IFI44: variants seen among roughly 807,000 people sequenced by gnomAD.
The protein encoded by IFI44 is interferon-induced protein 44.
In IFI44, 42 loss-of-function variants were observed where a neutral mutation model predicts 45.0. The ratio of observed to expected loss-of-function variants is 0.93; its 90% confidence interval spans 0.73 to 1.21. The LOEUF (loss-of-function observed/expected upper bound fraction) is 1.21. Ranked by LOEUF, IFI44 falls within the 50% of genes most tolerant of loss-of-function variation. The probability of loss-of-function intolerance (pLI) is 0.00; values close to 1 mark genes in which losing one functional copy is unlikely to be tolerated. For synonymous variants in IFI44, 221 were observed against 188.6 expected, an observed-to-expected ratio of 1.17 and a Z score of -1.41; for missense variants, 623 against 525.8, an observed-to-expected ratio of 1.18 and a Z score of -1.81.
chr1:78,661,094 T>A (rs1335584540), intron 7 of IFI44, among the ~76,000 whole-genome samples: 5 of 152,118 alleles, frequency 3.3e-5, no homozygotes, highest in African/African-American at 7.2e-5. Context: ...TGAGATGAAG[T>A]TTCTGTTGCC....
Position 78,649,833 on chromosome 1 carries a change from T to A in IFI44, c.-83T>A, listed in dbSNP as rs1004644452. ...GCTGCTGAATAATTTCCTTCTCCCA[T>A]TTTGTGCCTGCCTAGCTATCCAGAC... On this transcript the variant is annotated 5_prime_UTR_variant, in exon 1 of 9. Coordinates refer to ENST00000370747, the MANE Select transcript of IFI44 (RefSeq NM_006417.5). 1 of 158,472 alleles carries A rather than the reference T, an allele frequency of 6.3e-6. No individual in the cohort carries two copies. Among genetic ancestry groups the A allele is most frequent in the East Asian group, 1.8e-4 (1 of 5,592 alleles). 9.8% of individuals were successfully genotyped at this position (158,472 alleles called of 1,614,324 possible).
chr1:78,651,604 T>G (rs989919011), intron 2 of IFI44, among the ~76,000 whole-genome samples: 1 of 152,184 alleles, frequency 6.6e-6, no homozygotes, highest in Non-Finnish European at 1.5e-5. Context: ...CATATGGTAT[T>G]GTTGCTGTAG....
rs1397523796 is a variant in IFI44, at chr1:78,654,584, G to C, written c.494+305G>C. Among the ~76,000 whole-genome samples, 4 of 152,016 alleles carry C rather than the reference G, an allele frequency of 2.6e-5. No individual in the cohort carries two copies. In the East Asian group the frequency reaches 7.8e-4, roughly 29 times the overall value. On this transcript the variant is annotated intron_variant, in intron 3 of 8. Transcript: ENST00000370747. ...ACTACTCTAGAGAGTTGCTGTAGAAGAAGTGGTTGGTGGGTGGAGAAAACC... is the reference window on the plus strand; with the variant it reads ...ACTACTCTAGAGAGTTGCTGTAGAACAAGTGGTTGGTGGGTGGAGAAAACC...
In IFI44 at chr1:78,659,362, C is replaced by T; in HGVS notation, c.891C>T (p.Ser297=). The T allele has an allele frequency of 6.2e-7, 1 of 1,613,344 alleles. No individual in the cohort carries two copies. The highest frequency in any genetic ancestry group is 1.3e-5 in the African/African-American group (1 of 75,000). Residue 297 remains serine (S), a synonymous_variant, in exon 6 of 9, where the codon TCC becomes TCT. Coordinates refer to ENST00000370747, the MANE Select transcript of IFI44 (RefSeq NM_006417.5). The part of the protein sequence containing the change: ...IKLNHHDYID[S]PSLKDRIHCV... ...TAAATCATCATGACTACATTGATTC[C>T]CCATCGCTGAAGGACAGAATTCATT...
Position 78,662,781 on chromosome 1 carries a change from G to C in IFI44, c.1191G>C (p.Glu397Asp). The C allele has an allele frequency of 6.2e-7, 1 of 1,613,744 alleles. No homozygotes were observed. The highest frequency in any genetic ancestry group is 1.3e-5 in the African/African-American group (1 of 74,958). ...TTAGCAATTATTCCTCTGAGTGGGAGCTGGACCCTGTAAAGGATGTTCTAA... is the reference window on the plus strand; with the variant it reads ...TTAGCAATTATTCCTCTGAGTGGGACCTGGACCCTGTAAAGGATGTTCTAA... ...SVVSNYSSEW[E>D]LDPVKDVLIL... Residue 397 changes from glutamate (E) to aspartate (D), a missense_variant, in exon 8 of 9, where the codon GAG (glutamate) becomes GAC (aspartate). By Grantham distance (45) the Glu-to-Asp change is conservative. Coordinates refer to ENST00000370747, the MANE Select transcript of IFI44 (RefSeq NM_006417.5).
At chr1:78,653,443 C>G (rs1042205430) in intron 2 of IFI44, among the ~76,000 whole-genome samples, 4 of 152,090 alleles carry the variant, frequency 2.6e-5, no homozygotes, top group Non-Finnish European at 5.9e-5. Flanking sequence ...TTCATAATTT[C>G]TACTATTGGT....
In IFI44 at chr1:78,655,453, G is replaced by T. The variant is rs766913506; in HGVS notation, c.782G>T (p.Gly261Val). The change falls in exon 5 of 9, where the codon GGC (glycine) becomes GTC (valine). Residue 261 changes from glycine to valine, a missense_variant. Transcript: ENST00000370747. ...DSLGLSEKEG[G>V]LCRDDIFYIL... ...CTGGGGCTGAGTGAGAAAGAAGGCG[G>T]CCTGTGCAGGGATGACATATTCTAT... 1.2e-6 allele frequency: 2 copies of T among 1,613,888 alleles called. No individual in the cohort carries two copies. Among genetic ancestry groups the T allele is most frequent in the Admixed American group, 1.7e-5 (1 of 60,000 alleles).
In IFI44 at chr1:78,659,459, A is replaced by T; in HGVS notation, c.988A>T (p.Ile330Phe). 1 of 1,612,840 alleles carries T rather than the reference A, an allele frequency of 6.2e-7. No homozygotes were observed. Among genetic ancestry groups the T allele is most frequent in the Non-Finnish European group, 8.5e-7 (1 of 1,179,160 alleles). Residue 330 changes from isoleucine to phenylalanine, a missense_variant, in exon 6 of 9, where the codon ATT becomes TTT. Physicochemically the swap from Ile to Phe is conservative, Grantham distance 21. Coordinates refer to ENST00000370747, the MANE Select transcript of IFI44 (RefSeq NM_006417.5). ...SSQMIVKIKR[I>F]RRELVNAGVV... ...TCAGATGATAGTAAAGATCAAAAGA[A>T]TTCGAAGGGAGTTGGTAAACGCTGG...
intron 2 of IFI44, among the ~76,000 whole-genome samples, 178 bp downstream of exon 2, chr1:78,650,830 T>C (rs1457491352): frequency 6.6e-6 from 1 of 152,228 alleles, no homozygotes; most frequent in Non-Finnish European, 1.5e-5. Flanking sequence ...AAAATGTATA[T>C]TTATGATAAG....
chr1:78,662,682 C>T, intron 7 of IFI44, 22 bp from the exon 8 acceptor site: 2 of 1,563,822 alleles, frequency 1.3e-6, no homozygotes, highest in Non-Finnish European at 1.8e-6. Flanking sequence ...TTTGCAATGT[C>T]TTTTTAATTT....
intron 8 of IFI44, chr1:78,663,382 T>A: frequency 1.0e-6 from 1 of 985,420 alleles, no homozygotes. Context: ...GTATGTCCTT[T>A]TATGTAATGG....
intron 2 of IFI44, among the ~76,000 whole-genome samples, chr1:78,651,033 A>G (rs893962416): frequency 2.0e-5 from 3 of 152,186 alleles, no homozygotes; most frequent in African/African-American, 7.2e-5. Context: ...TTAAAATTAC[A>G]GTTTCCAAGA....
Position 78,663,793 on chromosome 1 carries a change from T to C in IFI44, c.1317T>C (p.Cys439=). 3 of 1,612,282 alleles carry C rather than the reference T, an allele frequency of 1.9e-6. No homozygotes were observed. Among genetic ancestry groups the C allele is most frequent in the Non-Finnish European group, 2.5e-6 (3 of 1,179,388 alleles). Residue 439 remains cysteine, a synonymous_variant, in exon 9 of 9, where the codon TGT becomes TGC. Coordinates refer to ENST00000370747, the MANE Select transcript of IFI44 (RefSeq NM_006417.5). ...IGNLREEIIN[C]AQGKK ...ATCTAAGGGAGGAAATTATCAACTGTGCACAAGGAAAAAAATAGATATGTG... is the reference window on the plus strand; with the variant it reads ...ATCTAAGGGAGGAAATTATCAACTGCGCACAAGGAAAAAAATAGATATGTG...
intron 4 of IFI44, 31 bp from the exon 5 acceptor site, chr1:78,655,331 A>G: frequency 6.4e-7 from 1 of 1,570,194 alleles, no homozygotes; most frequent in Non-Finnish European, 8.6e-7. Context: ...TAAAAAATGA[A>G]TCTTTAAAAT....
intron 7 of IFI44, 155 bp from the exon 8 acceptor site, chr1:78,662,549 T>C: frequency 3.3e-6 from 2 of 605,490 alleles, no homozygotes; most frequent in South Asian, 2.1e-5. Flanking sequence ...ATATGTGAAG[T>C]TCTTCAAGAG....
chr1:78,650,213 T>C lies in IFI44; in HGVS notation c.18T>C (p.Arg6=). The change falls in exon 2 of 9, where the codon CGT becomes CGC. Residue 6 remains arginine (R), a synonymous_variant. Coordinates refer to ENST00000370747, the MANE Select transcript of IFI44 (RefSeq NM_006417.5). MAVTT[R]LTWLHEKILQ... ...CAAGAAGTATGGCAGTGACAACTCGTTTGACATGGTTGCACGAAAAGATCC... is the reference window on the plus strand; with the variant it reads ...CAAGAAGTATGGCAGTGACAACTCGCTTGACATGGTTGCACGAAAAGATCC... The C allele has an allele frequency of 1.9e-6, 3 of 1,603,276 alleles. No individual in the cohort carries two copies. Among genetic ancestry groups the C allele is most frequent in the Non-Finnish European group, 2.6e-6 (3 of 1,171,132 alleles).
At position 78,662,786 on chromosome 1, in the gene IFI44, A is replaced by AC. The variant is rs1399096925; in HGVS notation, c.1199dup (p.Val401CysfsTer19). On this transcript the variant is annotated frameshift_variant, in exon 8 of 9. Coordinates refer to ENST00000370747, the MANE Select transcript of IFI44 (RefSeq NM_006417.5). LOFTEE classifies it high-confidence loss of function. ...AATTATTCCTCTGAGTGGGAGCTGGACCCTGTAAAGGATGTTCTAATTCTT... is the reference window on the plus strand; with the variant it reads ...AATTATTCCTCTGAGTGGGAGCTGGACCCCTGTAAAGGATGTTCTAATTCTT... The AC allele has an allele frequency of 6.2e-7, 1 of 1,613,580 alleles. No homozygotes were observed. Among genetic ancestry groups the AC allele is most frequent in the African/African-American group, 1.3e-5 (1 of 74,874 alleles).
At chr1:78,660,409 T>C (rs374684397) in intron 6 of IFI44, 145 bp from the exon 7 acceptor site, 18 of 593,374 alleles carry the variant, frequency 3.0e-5, no homozygotes, top group East Asian at 1.1e-4. Flanking sequence ...GGGGAGTTTT[T>C]TGGGGAGATG....
intron 5 of IFI44, among the ~76,000 whole-genome samples, chr1:78,656,663 G>GT (rs1053896660): frequency 6.0e-5 from 9 of 150,846 alleles, no homozygotes; most frequent in East Asian, 1.9e-4. Flanking sequence ...TTCAAGTGAG[G>GT]TTTTTTGTGC....
Sources: gnomAD v4.1 joint callset for allele counts (sites outside exome capture counted in the v4.1 genomes callset) on GRCh38, gnomAD v4.1.1 for gene constraint, MANE v1.5 for transcripts, NCBI Gene and HGNC (gene_info 2026-07-23, HGNC 2026-07-21) for gene names.